KLF8: variants seen among roughly 807,000 people sequenced by gnomAD.
KLF8 encodes Krueppel-like factor 8.
Under a neutral mutation model 18.2 loss-of-function variants are expected in KLF8, and 10 were observed. The observed-to-expected ratio is 0.55, with a 90% CI of 0.34 to 0.93. KLF8 has a LOEUF of 0.93. KLF8 is among the 40% of genes least tolerant of loss of function. The probability of loss-of-function intolerance (pLI) is 0.02; values close to 1 mark genes in which losing one functional copy is unlikely to be tolerated. For missense variants in KLF8, 264 were observed against 277.9 expected (o/e 0.95, Z 0.36); for synonymous variants, 109 against 97.3 (o/e 1.12, Z -0.71).
At chrX:56,227,622 C>T (rs756007044), upstream of KLF8, among the ~76,000 whole-genome samples, 3 of 111,662 alleles carry the variant, frequency 2.7e-5, no homozygotes, top group African/African-American at 6.5e-5. Context: ...GGATTACAGG[C>T]GTGAGCCACG....
the KLF8 span, among the ~76,000 whole-genome samples, chrX:55,990,753 G>A: frequency 8.9e-6 from 1 of 112,287 alleles, no homozygotes; most frequent in Admixed American, 9.4e-5. Flanking sequence ...GTTGGAGGTT[G>A]CTGGAGGTCC....
the KLF8 span, among the ~76,000 whole-genome samples, chrX:56,160,060 A>G: frequency 1.8e-5 from 2 of 111,635 alleles, no homozygotes; most frequent in East Asian, 5.6e-4. Context: ...ACTGCTTTGA[A>G]TGTGTCCCAG....
chrX:55,988,549 C>A, the KLF8 span, among the ~76,000 whole-genome samples: 2 of 111,201 alleles, frequency 1.8e-5, no homozygotes, highest in Admixed American at 1.9e-4. Context: ...CTGTTCTGTT[C>A]CATTGGTCTA....
chrX:56,096,187 T>C, the KLF8 span, among the ~76,000 whole-genome samples: 1 of 111,554 alleles, frequency 9.0e-6, no homozygotes, highest in African/African-American at 3.3e-5. Flanking sequence ...ATGAAATTAC[T>C]CAGAAACAGA....
At chrX:55,973,554 C>G in the KLF8 span, among the ~76,000 whole-genome samples, 1 of 111,931 alleles carries the variant, frequency 8.9e-6, no homozygotes, top group Non-Finnish European at 1.9e-5. Context: ...AGATACCTCT[C>G]AAAAGAGGAC....
At chrX:56,131,523 CA>C in the KLF8 span, among the ~76,000 whole-genome samples, 1 of 110,804 alleles carries the variant, frequency 9.0e-6, no homozygotes, top group Admixed American at 9.6e-5. Flanking sequence ...GGAAATACAT[CA>C]AAACAGAACC....
intron 5 of KLF8, among the ~76,000 whole-genome samples, chrX:56,278,670 TATATC>T (rs1324496127): frequency 1.8e-5 from 2 of 111,374 alleles, no homozygotes; most frequent in Non-Finnish European, 3.8e-5. Flanking sequence ...GATATCTTAA[TATATC>T]ATATGCTCCC....
the KLF8 span, among the ~76,000 whole-genome samples, chrX:56,144,981 T>C: frequency 3.7e-5 from 4 of 107,940 alleles, no homozygotes; most frequent in South Asian, 4.3e-4. Flanking sequence ...TTGGTAGAGA[T>C]GGGGTTTCAC....
At chrX:55,972,673 T>C in the KLF8 span, among the ~76,000 whole-genome samples, 9 of 110,781 alleles carry the variant, frequency 8.1e-5, no homozygotes, top group African/African-American at 2.6e-4. Flanking sequence ...TATGTACCCA[T>C]AAAAATTTTA....
At chrX:55,938,025 G>A in the KLF8 span, among the ~76,000 whole-genome samples, 1 of 110,634 alleles carries the variant, frequency 9.0e-6, no homozygotes, top group African/African-American at 3.3e-5. Context: ...TACAGAGAAT[G>A]CCACAAAGAT....
chrX:55,989,248 G>A, the KLF8 span, among the ~76,000 whole-genome samples: 9 of 111,885 alleles, frequency 8.0e-5, no homozygotes, highest in Non-Finnish European at 1.3e-4. Flanking sequence ...TGTTGAATAG[G>A]GGTGGTGAGA....
At chrX:56,085,286 G>A in the KLF8 span, among the ~76,000 whole-genome samples, 3 of 111,623 alleles carry the variant, frequency 2.7e-5, no homozygotes, top group Admixed American at 2.8e-4. Context: ...TAGGGTATTG[G>A]CTTATGTGAT....
chrX:56,194,285 G>A, the KLF8 span, among the ~76,000 whole-genome samples: 1 of 111,642 alleles, frequency 9.0e-6, no homozygotes, highest in Non-Finnish European at 1.9e-5. Context: ...GGAAGTGAAA[G>A]GGGTTGGGGG....
chrX:55,934,637 C>T, the KLF8 span, among the ~76,000 whole-genome samples: 1 of 112,615 alleles, frequency 8.9e-6, no homozygotes, highest in Non-Finnish European at 1.9e-5. Flanking sequence ...TAATGTCTAA[C>T]TCCTCTATTT....
chrX:56,022,511 T>C, the KLF8 span, among the ~76,000 whole-genome samples: 1 of 81,786 alleles, frequency 1.2e-5, no homozygotes, highest in Non-Finnish European at 2.1e-5. Flanking sequence ...ATCGCGCCAC[T>C]ACACTCCAGC....
intron 2 of KLF8, among the ~76,000 whole-genome samples, chrX:56,264,451 T>G (rs983057336): frequency 9.0e-6 from 1 of 110,643 alleles, no homozygotes; most frequent in Non-Finnish European, 1.9e-5. Context: ...ACTAATAAAT[T>G]TATTTATTAG....
chrX:55,922,860 T>A, the KLF8 span, among the ~76,000 whole-genome samples: 3 of 111,714 alleles, frequency 2.7e-5, no homozygotes, highest in Non-Finnish European at 5.7e-5. Context: ...AAAATGAAAC[T>A]CTTTTGCACT....
the KLF8 span, among the ~76,000 whole-genome samples, chrX:56,025,880 CTTG>C: frequency 2.7e-5 from 3 of 112,495 alleles, no homozygotes; most frequent in South Asian, 1.1e-3. Flanking sequence ...ATTGTTTTAA[CTTG>C]TTGTCCTACC....
the KLF8 span, among the ~76,000 whole-genome samples, chrX:55,953,466 A>C: frequency 9.1e-6 from 1 of 109,443 alleles, no homozygotes; most frequent in Non-Finnish European, 1.9e-5. Flanking sequence ...TTTTTTTTGC[A>C]GAAATTGATA....
Sources: allele counts gnomAD v4.1 joint callset (sites outside exome capture counted in the v4.1 genomes callset), GRCh38; gene constraint gnomAD v4.1.1; transcripts MANE v1.5; gene names NCBI Gene and HGNC (gene_info 2026-07-23, HGNC 2026-07-21).